TNFSF4: variants seen among roughly 807,000 people sequenced by gnomAD.
TNFSF4 encodes TNF superfamily member 4.
Under a neutral mutation model 7.3 loss-of-function variants are expected in TNFSF4, and 4 were observed. That is an observed-to-expected ratio of 0.55 (90% confidence interval 0.27 to 1.25). TNFSF4 has a LOEUF of 1.25. Ranked by LOEUF, TNFSF4 falls within the 50% of genes most tolerant of loss-of-function variation. The pLI, the probability that TNFSF4 is intolerant of heterozygous loss-of-function variation, is 0.12. For synonymous variants in TNFSF4, 76 were observed against 83.7 expected, an observed-to-expected ratio of 0.91 and a Z score of 0.50; for missense variants, 181 against 208.8, an observed-to-expected ratio of 0.87 and a Z score of 0.82.
At chr1:173,305,519 T>A in the TNFSF4 span, among the ~76,000 whole-genome samples, 2 of 151,834 alleles carry the variant, frequency 1.3e-5, no homozygotes, top group Admixed American at 6.6e-5. Context: ...AGAAATTGGA[T>A]CATTCAACCA....
chr1:173,278,784 T>A, the TNFSF4 span, among the ~76,000 whole-genome samples: 1 of 151,990 alleles, frequency 6.6e-6, no homozygotes, highest in African/African-American at 2.4e-5. Context: ...AATAAATTGA[T>A]ATGATGATAT....
At chr1:173,419,201 G>C in the TNFSF4 span, among the ~76,000 whole-genome samples, 1 of 152,122 alleles carries the variant, frequency 6.6e-6, no homozygotes, top group Non-Finnish European at 1.5e-5. Context: ...AATTAGCCGG[G>C]TGTGGTGGCG....
At chr1:173,270,479 G>A in the TNFSF4 span, among the ~76,000 whole-genome samples, 37 of 152,138 alleles carry the variant, frequency 2.4e-4, no homozygotes, top group African/African-American at 7.5e-4. Context: ...GATTGGGAAC[G>A]AAAGATTTGA....
At chr1:173,365,905 A>G in the TNFSF4 span, among the ~76,000 whole-genome samples, 1 of 152,228 alleles carries the variant, frequency 6.6e-6, no homozygotes, top group Non-Finnish European at 1.5e-5. Context: ...TGCATAAGAT[A>G]TGCAAGTTCA....
At chr1:173,227,612 C>A in the TNFSF4 span, among the ~76,000 whole-genome samples, 2 of 152,200 alleles carry the variant, frequency 1.3e-5, no homozygotes, top group African/African-American at 4.8e-5. Context: ...TGCAGCCCAG[C>A]AAACGTGAGC....
downstream of TNFSF4, among the ~76,000 whole-genome samples, chr1:173,181,225 TCTG>T: frequency 6.6e-6 from 1 of 152,356 alleles, no homozygotes; most frequent in East Asian, 1.9e-4. Flanking sequence ...GAGATTACCT[TCTG>T]CTAATATTTC....
chr1:173,213,284 A>G, the TNFSF4 span, among the ~76,000 whole-genome samples: 1 of 151,828 alleles, frequency 6.6e-6, no homozygotes, highest in Non-Finnish European at 1.5e-5. Flanking sequence ...TTCATTCTTC[A>G]TGTTGCTTAG....
the TNFSF4 span, among the ~76,000 whole-genome samples, chr1:173,363,919 A>C: frequency 6.6e-6 from 1 of 152,212 alleles, no homozygotes; most frequent in Non-Finnish European, 1.5e-5. Flanking sequence ...TCTGTTGGGG[A>C]CAACCACATA....
chr1:173,282,468 T>A, the TNFSF4 span, among the ~76,000 whole-genome samples: 1 of 151,700 alleles, frequency 6.6e-6, no homozygotes, highest in Non-Finnish European at 1.5e-5. Context: ...CTAAATTTTT[T>A]TTTTTTTTGA....
the TNFSF4 span, among the ~76,000 whole-genome samples, chr1:173,286,664 C>A: frequency 6.6e-6 from 1 of 152,014 alleles, no homozygotes; most frequent in Admixed American, 6.6e-5. Flanking sequence ...ATAAAAGAAT[C>A]TCTTTCTGAA....
chr1:173,196,748 C>T (rs1000644259), intron 1 of TNFSF4, among the ~76,000 whole-genome samples: 1 of 152,188 alleles, frequency 6.6e-6, no homozygotes, highest in African/African-American at 2.4e-5. Flanking sequence ...CTCTTCATAT[C>T]GTCAGAGGGA....
At chr1:173,243,714 C>A in the TNFSF4 span, among the ~76,000 whole-genome samples, 1 of 152,208 alleles carries the variant, frequency 6.6e-6, no homozygotes, top group East Asian at 1.9e-4. Flanking sequence ...GATCAACACA[C>A]AGTGGTGGCA....
At chr1:173,390,314 T>G in the TNFSF4 span, among the ~76,000 whole-genome samples, 1 of 152,218 alleles carries the variant, frequency 6.6e-6, no homozygotes, top group Admixed American at 6.5e-5. Context: ...CATTGGCATT[T>G]CAATTTCATT....
chr1:173,333,981 C>A, the TNFSF4 span, among the ~76,000 whole-genome samples: 1 of 151,990 alleles, frequency 6.6e-6, no homozygotes, highest in Non-Finnish European at 1.5e-5. Flanking sequence ...TGCTAACTCA[C>A]CCACCTTCCA....
chr1:173,379,344 C>G, the TNFSF4 span, among the ~76,000 whole-genome samples: 1 of 151,834 alleles, frequency 6.6e-6, no homozygotes, highest in Non-Finnish European at 1.5e-5. Context: ...GGAAATAGCC[C>G]AGGTACATGT....
the TNFSF4 span, among the ~76,000 whole-genome samples, chr1:173,291,355 C>T: frequency 6.6e-6 from 1 of 152,104 alleles, no homozygotes; most frequent in Non-Finnish European, 1.5e-5. Flanking sequence ...AAAGGCCCCA[C>T]CTCCAACACT....
chr1:173,258,831 T>C, the TNFSF4 span, among the ~76,000 whole-genome samples: 2 of 152,048 alleles, frequency 1.3e-5, no homozygotes, highest in Admixed American at 6.5e-5. Flanking sequence ...CAGGGGGTTA[T>C]GGACAGAGGA....
chr1:173,350,132 C>T, the TNFSF4 span, among the ~76,000 whole-genome samples: 1 of 152,128 alleles, frequency 6.6e-6, no homozygotes, highest in Admixed American at 6.5e-5. Flanking sequence ...AAAAATACTT[C>T]CATCCCTGCA....
At chr1:173,432,803 C>T in the TNFSF4 span, among the ~76,000 whole-genome samples, 1 of 151,782 alleles carries the variant, frequency 6.6e-6, no homozygotes, top group Admixed American at 6.6e-5. Context: ...CATGTAAAAA[C>T]GACAGCAATT....
Sources: gnomAD v4.1 joint callset for allele counts (sites outside exome capture counted in the v4.1 genomes callset) on GRCh38, gnomAD v4.1.1 for gene constraint, MANE v1.5 for transcripts, NCBI Gene and HGNC (gene_info 2026-07-23, HGNC 2026-07-21) for gene names.